MEG3: variants seen among roughly 807,000 people sequenced by gnomAD.
The protein encoded by MEG3 is maternally expressed 3.
intron 2 of MEG3, among the ~76,000 whole-genome samples, chr14:100,839,786 C>T (rs1244095240): frequency 6.6e-6 from 1 of 152,158 alleles, no homozygotes; most frequent in African/African-American, 2.4e-5. Context: ...AAGAGGGGTT[C>T]CAGCTCCAGC....
At chr14:100,855,944 A>C (rs534800894), upstream of MEG3, 1 of 152,168 alleles carries the variant, frequency 6.6e-6, no homozygotes. Context: ...ATCACAGCCC[A>C]TATCCTCGAG....
chr14:100,845,752 CTG>C lies in MEG3; in HGVS notation n.3121+222_3121+223del. On this transcript the variant is annotated intron_variant and non_coding_transcript_variant, in intron 3 of 3. Transcript: ENST00000398461. The surrounding 1 kb of genome is among the most constrained non-coding windows in gnomAD (Gnocchi z 5.2). ...AGCCCCCTGCCTCCTTGTGTTGTCT[CTG>C]TGGCAAAAGAATTCTATAGGCGGGC... 4.3e-6 allele frequency: 1 copy of C among 230,502 alleles called. No individual in the cohort carries two copies. Among genetic ancestry groups the C allele is most frequent in the East Asian group, 1.4e-4 (1 of 7,324 alleles). 14.3% of individuals were successfully genotyped at this position (230,502 alleles called of 1,614,324 possible).
At chr14:100,854,353 C>G (rs1437025741), upstream of MEG3, 2 of 152,088 alleles carry the variant, frequency 1.3e-5, no homozygotes, top group East Asian at 3.9e-4. Context: ...GAGACTGGTC[C>G]CAGATGTCCT....
At chr14:100,841,645 G>T (rs1172018681) in intron 2 of MEG3, among the ~76,000 whole-genome samples, 3 of 152,172 alleles carry the variant, frequency 2.0e-5, no homozygotes, top group Non-Finnish European at 2.9e-5. Flanking sequence ...GGTCGGGGGG[G>T]GTCACAGTCA....
chr14:100,840,164 A>G (rs1051701735), intron 2 of MEG3, among the ~76,000 whole-genome samples: 1 of 152,208 alleles, frequency 6.6e-6, no homozygotes, highest in African/African-American at 2.4e-5. Flanking sequence ...GGGTGTAGCC[A>G]TGACTTTCTT....
intron 3 of MEG3, chr14:100,851,854 C>G (rs1303126587): frequency 1.9e-5 from 3 of 155,492 alleles, no homozygotes; most frequent in Admixed American, 1.9e-4. Context: ...AGTCCTCCCC[C>G]AGGGCCTCCC....
exon 2 of MEG3, chr14:100,836,275 G>C: frequency 2.2e-6 from 1 of 456,592 alleles, no homozygotes; most frequent in South Asian, 1.5e-5. Flanking sequence ...TTCCTGGCGG[G>C]CCTCTCGTCT....
chr14:100,833,911 G>T (rs550233422), downstream of MEG3: 1 of 152,218 alleles, frequency 6.6e-6, no homozygotes, highest in Non-Finnish European at 1.5e-5. Context: ...TTGGCTAAAG[G>T]TTCTCTGGCT....
intron 1 of MEG3, among the ~76,000 whole-genome samples, chr14:100,827,800 T>G (rs1171539281): frequency 2.0e-5 from 3 of 152,206 alleles, no homozygotes; most frequent in African/African-American, 4.8e-5. Flanking sequence ...ACCACCCACA[T>G]GCGTGACAGC....
At position 100,837,842 on chromosome 14, in the gene MEG3, C is replaced by T. The variant is rs144482877; in HGVS notation, n.3045+1542C>T. Among the ~76,000 whole-genome samples, 254 of 152,160 alleles carry T rather than the reference C, an allele frequency of 1.7e-3. No homozygotes were observed. The highest frequency in any genetic ancestry group is 5.4e-3 in the African/African-American group (224 of 41,500). On this transcript the variant is annotated intron_variant and non_coding_transcript_variant, in intron 2 of 3. Transcript: ENST00000398461. This position sits in a 1 kb window ranked among gnomAD's most constrained non-coding sequence, Gnocchi z 5.8. ...GCAGCGTAGGCAGAGGGGGCAGAGG[C>T]GCTCTAACCTGGGGCTGTTGCCTTT...
exon 1 of MEG3, chr14:100,858,361 G>C (rs1357685167): frequency 1.3e-5 from 2 of 152,772 alleles, no homozygotes; most frequent in African/African-American, 4.8e-5. Flanking sequence ...TTTCAGATCA[G>C]GCATCTCTTC....
chr14:100,827,873 G>A (rs888295555), intron 1 of MEG3, among the ~76,000 whole-genome samples: 3 of 152,238 alleles, frequency 2.0e-5, no homozygotes, highest in Non-Finnish European at 4.4e-5. Context: ...ATTGACGAAG[G>A]TGGGAGTCGG....
At chr14:100,830,385 C>CACACACACACACACACA (rs72228212), downstream of MEG3, 1 of 139,210 alleles carries the variant, frequency 7.2e-6, no homozygotes, top group Admixed American at 7.1e-5. Flanking sequence ...ACACACACAC[C>CACACACACACACACACA]CCCTCGTGTA....
intron 1 of MEG3, among the ~76,000 whole-genome samples, chr14:100,827,239 C>T (rs1440268744): frequency 1.3e-5 from 2 of 149,694 alleles, no homozygotes; most frequent in Non-Finnish European, 3.0e-5. Context: ...GCCGGCGGGC[C>T]TGGTGGGGGC....
In MEG3 at chr14:100,837,280, CTG is replaced by C. The variant is rs2037612863; in HGVS notation, n.3045+983_3045+984del. On this transcript the variant is annotated intron_variant and non_coding_transcript_variant, in intron 2 of 3. Transcript: ENST00000398461. The surrounding 1 kb of genome is among the most constrained non-coding windows in gnomAD (Gnocchi z 5.8). ...TTTCTGGGGGTCCCAGGGACTGAGT[CTG>C]TGGCTCACTCAGGGCGATGGGGTGT... 1.3e-5 allele frequency among the ~76,000 whole-genome samples: 2 copies of C among 152,194 alleles called. No individual in the cohort carries two copies. Among genetic ancestry groups the C allele is most frequent in the Admixed American group, 6.5e-5 (1 of 15,286 alleles).
At chr14:100,842,335 C>T (rs2037784591) in intron 2 of MEG3, among the ~76,000 whole-genome samples, 1 of 152,118 alleles carries the variant, frequency 6.6e-6, no homozygotes, top group South Asian at 2.1e-4. Context: ...AGGTGAAATT[C>T]CAGGAAGAGG....
In MEG3 at chr14:100,837,365, C is replaced by T. The variant is rs961668692; in HGVS notation, n.3045+1065C>T. 6.6e-5 allele frequency among the ~76,000 whole-genome samples: 10 copies of T among 152,168 alleles called. No homozygotes were observed. Among genetic ancestry groups the T allele is most frequent in the South Asian group, 6.2e-4 (3 of 4,830 alleles). On this transcript the variant is annotated intron_variant and non_coding_transcript_variant, in intron 2 of 3. Coordinates refer to the MEG3 transcript ENST00000398461. This position sits in a 1 kb window ranked among gnomAD's most constrained non-coding sequence, Gnocchi z 5.8. The stretch of plus-strand genomic sequence containing the variant: ...GGATCCTGGCACCCCTCATATATGA[C>T]GCCCCTGGGGTGGCCATTGTGGTGA...
intron 2 of MEG3, among the ~76,000 whole-genome samples, chr14:100,838,658 C>T (rs1184424661): frequency 1.3e-5 from 2 of 152,092 alleles, no homozygotes; most frequent in African/African-American, 2.4e-5. Flanking sequence ...GGCCATTTGT[C>T]ATCGTGCTGA....
At chr14:100,855,443 C>T (rs1198034805), upstream of MEG3, 2 of 152,320 alleles carry the variant, frequency 1.3e-5, no homozygotes, top group Non-Finnish European at 2.9e-5. Context: ...CCCCATGGTG[C>T]TTTCCATGTG....
Sources: allele counts gnomAD v4.1 joint callset (sites outside exome capture counted in the v4.1 genomes callset), GRCh38; gene constraint gnomAD v4.1.1; non-coding constraint Gnocchi (gnomAD v3.1); transcripts MANE v1.5; gene names NCBI Gene and HGNC (gene_info 2026-07-23, HGNC 2026-07-21).